The following EMSY variants were observed in gnomAD, a reference collection of about 807,000 sequenced individuals.
EMSY encodes BRCA2-interacting transcriptional repressor EMSY.
EMSY carries 26 observed loss-of-function variants against 134.6 expected under a neutral mutation model. The ratio of observed to expected loss-of-function variants is 0.19; its 90% CI spans 0.14 to 0.27. The LOEUF is 0.27. Ranked by LOEUF, EMSY falls within the 10% of genes least tolerant of loss-of-function variation. The pLI, the probability that EMSY is intolerant of heterozygous loss-of-function variation, is 1.00. For missense variants in EMSY, 1,305 were observed against 1,611.4 expected (o/e 0.81, Z 3.26); for synonymous variants, 579 against 577.8 (o/e 1.00, Z -0.03).
At chr11:76,472,824 G>C (rs1287917292) in exon 8 of EMSY, 1 of 1,613,940 alleles carries the variant, frequency 6.2e-7, no homozygotes, top group South Asian at 1.1e-5. Flanking sequence ...CTGTGGTCAT[G>C]TCAACAGTAG....
At chr11:76,454,784 G>A (rs1229734566) in intron 4 of EMSY, 1 of 1,466,604 alleles carries the variant, frequency 6.8e-7, no homozygotes, top group Non-Finnish European at 9.2e-7. Context: ...GAAAGACCAA[G>A]TTACAGGTAT....
At chr11:76,499,445 A>G (rs2135869978) in intron 9 of EMSY, among the ~76,000 whole-genome samples, 1 of 149,678 alleles carries the variant, frequency 6.7e-6, no homozygotes, top group East Asian at 2.0e-4. Flanking sequence ...CTGCCACCAC[A>G]CCCGGCTAAT....
chr11:76,520,158 A>G (rs1950593321), intron 11 of EMSY, among the ~76,000 whole-genome samples: 1 of 152,128 alleles, frequency 6.6e-6, no homozygotes. Context: ...CATTCTATCA[A>G]TTATAAATTA....
intron 2 of EMSY, among the ~76,000 whole-genome samples, chr11:76,450,814 G>A (rs13377353): frequency 1.1e-4 from 7 of 64,872 alleles, no homozygotes; most frequent in Admixed American, 7.6e-4. Flanking sequence ...TTTTTTTTAA[G>A]ACAGGATCTC....
At chr11:76,504,292 A>G (rs977092280) in intron 9 of EMSY, among the ~76,000 whole-genome samples, 2 of 149,094 alleles carry the variant, frequency 1.3e-5, no homozygotes, top group Non-Finnish European at 3.0e-5. Context: ...GAGTTTTTAT[A>G]TATATATAAT....
chr11:76,458,194 C>T (rs764112781), exon 5 of EMSY: 1 of 1,612,934 alleles, frequency 6.2e-7, no homozygotes, highest in Non-Finnish European at 8.5e-7. Context: ...ATGTCTGGAC[C>T]TAATAGCTCT....
chr11:76,542,274 T>G, exon 18 of EMSY: 1 of 1,614,196 alleles, frequency 6.2e-7, no homozygotes, highest in Non-Finnish European at 8.5e-7. Flanking sequence ...TGCTCCAGCA[T>G]GTGGCTCAGT....
chr11:76,480,194 C>T (rs1048782793), intron 8 of EMSY, among the ~76,000 whole-genome samples: 1 of 152,146 alleles, frequency 6.6e-6, no homozygotes, highest in Non-Finnish European at 1.5e-5. Context: ...GCAGATGAGA[C>T]AGCTAATACA....
chr11:76,497,528 A>G (rs999186620), intron 9 of EMSY, among the ~76,000 whole-genome samples: 3 of 152,062 alleles, frequency 2.0e-5, no homozygotes, highest in African/African-American at 7.2e-5. Context: ...CCATTTCTTT[A>G]TTAGTTATGG....
intron 13 of EMSY, 86 bp from the exon 15 acceptor site, chr11:76,528,181 GA>G: frequency 8.3e-7 from 1 of 1,198,356 alleles, no homozygotes; most frequent in Non-Finnish European, 1.2e-6. Context: ...TCCATACCAG[GA>G]AAATATTAGT....
rs748680799 is a variant in EMSY, at chr11:76,523,258, C to G, written c.1788C>G (p.Gly596=). The change falls in exon 12 of 21, where the codon GGC becomes GGG. Residue 596 remains glycine, a synonymous_variant. Transcript: ENST00000334736. ...GAACGACCATTCAAGGCCTCCCGGG[C>G]AAAAATGTTGTCACAACGTTGCTAA... 8.1e-6 allele frequency: 13 copies of G among 1,613,038 alleles called. No individual in the cohort carries two copies. The East Asian group carries it at 2.9e-4, about 36-fold the overall frequency.
chr11:76,508,054 A>G (rs1483163045), intron 9 of EMSY, among the ~76,000 whole-genome samples: 1 of 151,820 alleles, frequency 6.6e-6, no homozygotes, highest in East Asian at 1.9e-4. Context: ...AAATTTTTGT[A>G]GAGACAGGGT....
At chr11:76,537,489 G>A (rs895442716) in intron 15 of EMSY, among the ~76,000 whole-genome samples, 2 of 152,136 alleles carry the variant, frequency 1.3e-5, no homozygotes, top group African/African-American at 2.4e-5. Context: ...TTGAAGAAGG[G>A]TATAGGAAAT....
intron 17 of EMSY, chr11:76,541,935 T>A: frequency 1.7e-6 from 1 of 587,238 alleles, no homozygotes; most frequent in Non-Finnish European, 3.0e-6. Context: ...TCCTTTGTGA[T>A]AAGAGTTTTC....
intron 8 of EMSY, among the ~76,000 whole-genome samples, chr11:76,488,537 T>G (rs7951752): frequency 2.3e-4 from 35 of 151,932 alleles, no homozygotes; most frequent in African/African-American, 8.5e-4. Flanking sequence ...TTTTTTTTGT[T>G]TTTTTTTTTA....
At chr11:76,542,128 A>G (rs2136685702) in intron 17 of EMSY, 88 bp from the exon 19 acceptor site, 4 of 1,491,604 alleles carry the variant, frequency 2.7e-6, no homozygotes, top group Non-Finnish European at 3.7e-6. Flanking sequence ...TCTGTGATAC[A>G]AGCTCACAGA....
At chr11:76,549,277 T>C (rs1951761149) in intron 20 of EMSY, among the ~76,000 whole-genome samples, 1 of 152,148 alleles carries the variant, frequency 6.6e-6, no homozygotes. Context: ...CTGGTAGCCA[T>C]GGTAGGGTGT....
At chr11:76,480,905 A>G (rs7945370) in intron 8 of EMSY, among the ~76,000 whole-genome samples, 1 of 152,180 alleles carries the variant, frequency 6.6e-6, no homozygotes, top group Non-Finnish European at 1.5e-5. Flanking sequence ...TGCTTTTCCC[A>G]TGGTCTTTGC....
chr11:76,482,537 A>G (rs961688095), intron 8 of EMSY, among the ~76,000 whole-genome samples: 2 of 152,260 alleles, frequency 1.3e-5, no homozygotes, highest in African/African-American at 4.8e-5. Flanking sequence ...TAGAATAATT[A>G]GTTTAGAGAA....
Sources: gnomAD v4.1 joint callset for allele counts (sites outside exome capture counted in the v4.1 genomes callset) on GRCh38, gnomAD v4.1.1 for gene constraint, MANE v1.5 for transcripts, NCBI Gene and HGNC (gene_info 2026-07-23, HGNC 2026-07-21) for gene names.